PTPRS: variants seen among roughly 807,000 people sequenced by gnomAD.
The protein encoded by PTPRS is receptor-type tyrosine-protein phosphatase S.
In PTPRS, 63 loss-of-function variants were observed where a neutral mutation model predicts 215.3. The ratio of observed to expected loss-of-function variants is 0.29; its 90% CI spans 0.24 to 0.36. The LOEUF is 0.36. Ranked by LOEUF, PTPRS falls within the 10% of genes least tolerant of loss-of-function variation. PTPRS has a pLI of 1.00. For missense variants in PTPRS, 2,258 were observed against 2,825.8 expected (o/e 0.80, Z 4.56); for synonymous variants, 1,404 against 1,191.4 (o/e 1.18, Z -3.68).
At chr19:5,318,060 A>G (rs2147197304) in intron 1 of PTPRS, among the ~76,000 whole-genome samples, 1 of 152,120 alleles carries the variant, frequency 6.6e-6, no homozygotes, top group Middle Eastern at 3.4e-3. Context: ...AGTCCCAGCT[A>G]CTCAGGAGGC....
At chr19:5,258,271 G>C in intron 7 of PTPRS, 144 bp from the exon 8 acceptor site, 3 of 669,826 alleles carry the variant, frequency 4.5e-6, no homozygotes, top group Non-Finnish European at 5.2e-6. Flanking sequence ...AAACCTGGAA[G>C]CCCTAGCTTG....
chr19:5,335,738 G>C (rs2081694156), intron 1 of PTPRS, among the ~76,000 whole-genome samples: 1 of 152,178 alleles, frequency 6.6e-6, no homozygotes, highest in South Asian at 2.1e-4. Context: ...ATGGGGACCG[G>C]AGGAGGGAGT....
intron 1 of PTPRS, among the ~76,000 whole-genome samples, chr19:5,327,761 C>T (rs894245664): frequency 3.9e-5 from 6 of 152,102 alleles, no homozygotes; most frequent in African/African-American, 9.7e-5. Flanking sequence ...CCACCACACC[C>T]GGCTAATTTT....
intron 7 of PTPRS, among the ~76,000 whole-genome samples, chr19:5,259,231 A>G (rs2045802027): frequency 6.6e-6 from 1 of 152,218 alleles, no homozygotes; most frequent in South Asian, 2.1e-4. Flanking sequence ...GGTGCTCATG[A>G]GTAGATGAAA....
chr19:5,335,795 A>C lies in PTPRS; in HGVS notation c.-95+4869T>G, dbSNP rs796362892. On this transcript the variant is annotated intron_variant, in intron 1 of 37. Coordinates refer to ENST00000262963, the MANE Select transcript of PTPRS (RefSeq NM_002850.4). ...GCTCTGAACCCCCAACCAGGGTGGGATCCGCGGGAATCAGAAGGAAACAGG... is the reference window on the plus strand; with the variant it reads ...GCTCTGAACCCCCAACCAGGGTGGGCTCCGCGGGAATCAGAAGGAAACAGG... Among the ~76,000 whole-genome samples, 5 of 152,240 alleles carry C rather than the reference A, an allele frequency of 3.3e-5. 1 individual carries two copies. The highest frequency in any genetic ancestry group is 1.2e-4 in the African/African-American group (5 of 41,546).
rs116751783 is a variant in PTPRS, at chr19:5,219,299, A to T, written c.3923+11T>A. On this transcript the variant is annotated intron_variant, in intron 23 of 37. Transcript: ENST00000262963. ...GCTGTCAAGTCAAGTCGGGGAGGACATGGGGCTTACTTCTTGTAGAGCAGG... is the reference window on the plus strand; with the variant it reads ...GCTGTCAAGTCAAGTCGGGGAGGACTTGGGGCTTACTTCTTGTAGAGCAGG... 158 of 1,613,950 alleles carry T rather than the reference A, an allele frequency of 9.8e-5. 2 individuals carry two copies. In the South Asian group the frequency reaches 1.6e-3, roughly 16 times the overall value.
chr19:5,228,213 C>T (rs2042674145), intron 16 of PTPRS, among the ~76,000 whole-genome samples: 1 of 151,820 alleles, frequency 6.6e-6, no homozygotes, highest in African/African-American at 2.4e-5. Flanking sequence ...GGACCAGTGG[C>T]TCATGCCTGT....
At chr19:5,236,670 A>G (rs1037147978) in intron 13 of PTPRS, among the ~76,000 whole-genome samples, 8 of 152,130 alleles carry the variant, frequency 5.3e-5, no homozygotes, top group South Asian at 4.1e-4. Flanking sequence ...GCTACCAGAG[A>G]CTGCAGAGGC....
intron 1 of PTPRS, 196 bp from the exon 2 acceptor site, chr19:5,286,430 C>T (rs1472195652): frequency 2.3e-6 from 1 of 431,368 alleles, no homozygotes; most frequent in Non-Finnish European, 4.3e-6. Context: ...GTGTCTCCCC[C>T]ACAAAAAATC....
At chr19:5,306,143 G>C (rs2049486447) in intron 1 of PTPRS, among the ~76,000 whole-genome samples, 1 of 135,418 alleles carries the variant, frequency 7.4e-6, no homozygotes, top group African/African-American at 2.7e-5. Flanking sequence ...CTAGAATACA[G>C]GGTGATTTTT....
At chr19:5,289,884 CT>C (rs1268860223) in intron 1 of PTPRS, among the ~76,000 whole-genome samples, 2 of 152,206 alleles carry the variant, frequency 1.3e-5, no homozygotes, top group African/African-American at 2.4e-5. Context: ...CTACGTGGCC[CT>C]GGGCAGGGAG....
intron 1 of PTPRS, among the ~76,000 whole-genome samples, chr19:5,335,058 C>A (rs1246544042): frequency 6.6e-6 from 1 of 152,162 alleles, no homozygotes; most frequent in African/African-American, 2.4e-5. Flanking sequence ...TTCCCCAGAA[C>A]CCCTGAATTT....
In PTPRS at chr19:5,221,236, G is replaced by C. The variant is rs761494808; in HGVS notation, c.3219C>G (p.Leu1073=). ...TGGTACGGCCATCCACATCCAGTGTGAGCCCATTGTACTGGATCTGCGGAC... is the reference window on the plus strand; with the variant it reads ...TGGTACGGCCATCCACATCCAGTGTCAGCCCATTGTACTGGATCTGCGGAC... ...PTPYKIQYNG[L]TLDVDGRTTK... Residue 1073 remains leucine (L), a synonymous_variant, in exon 20 of 38, where the codon CTC becomes CTG. Transcript: ENST00000262963. The C allele has an allele frequency of 2.0e-5, 33 of 1,613,380 alleles. No homozygotes were observed. The highest frequency in any genetic ancestry group is 2.2e-5 in the Non-Finnish European group (26 of 1,179,678).
intron 28 of PTPRS, 95 bp from the exon 29 acceptor site, chr19:5,214,831 C>T (rs2041268880): frequency 1.6e-6 from 2 of 1,282,774 alleles, no homozygotes; most frequent in South Asian, 1.5e-5. Flanking sequence ...ACTCTGACCG[C>T]TCCCAGATTG....
At position 5,278,206 on chromosome 19, in the gene PTPRS, G is replaced by T. The variant is rs556209994; in HGVS notation, c.92-3862C>A. ...GCCAAAAAAAAAAAAAAAAGGGAGTGGGGGGTGGGGGAAAGGATGCTTTTT... is the reference window on the plus strand; with the variant it reads ...GCCAAAAAAAAAAAAAAAAGGGAGTTGGGGGTGGGGGAAAGGATGCTTTTT... On this transcript the variant is annotated intron_variant, in intron 2 of 37. Transcript: ENST00000262963. 6 of 373,434 alleles carry T rather than the reference G, an allele frequency of 1.6e-5. No individual in the cohort carries two copies. In the East Asian group the frequency reaches 3.2e-4, roughly 20 times the overall value. The allele number at this position is 373,434 out of a possible 1,614,324, so 23.1% of individuals were successfully genotyped here.
chr19:5,332,787 T>C (rs1450253213), intron 1 of PTPRS, among the ~76,000 whole-genome samples: 1 of 152,228 alleles, frequency 6.6e-6, no homozygotes. Flanking sequence ...ACATTCCAGG[T>C]TTTCTGTTGA....
chr19:5,262,658 G>A (rs1159470530), intron 6 of PTPRS, among the ~76,000 whole-genome samples: 4 of 152,232 alleles, frequency 2.6e-5, no homozygotes, highest in African/African-American at 7.2e-5. Context: ...GGATGCCTCT[G>A]AACCCCCCTC....
rs372506721 is a variant in PTPRS at position 5,221,096 on chromosome 19, T to C, written c.3359A>G (p.Asn1120Ser). ...GACGCTGGGCTTGCCGTTGAGCAGG[T>C]TGAAGGCAGTCCAGGCGGTGACCGT... ...QQTVTAWTAFNLLNGKPSVAP... is the reference protein window; with the variant it reads ...QQTVTAWTAFSLLNGKPSVAP... Residue 1120 changes from asparagine (N) to serine (S), a missense_variant, in exon 20 of 38, where the codon AAC becomes AGC. Coordinates refer to ENST00000262963, the MANE Select transcript of PTPRS (RefSeq NM_002850.4). 25 of 1,613,828 alleles carry C rather than the reference T, an allele frequency of 1.5e-5. No homozygotes were observed. The highest frequency in any genetic ancestry group is 8.0e-5 in the African/African-American group (6 of 74,878).
At chr19:5,207,444 C>T (rs938079863) in intron 37 of PTPRS, among the ~76,000 whole-genome samples, 4 of 152,288 alleles carry the variant, frequency 2.6e-5, no homozygotes, top group Admixed American at 1.3e-4. Context: ...TGGGCTCAAG[C>T]GATCCTCCCA....
Sources: gnomAD v4.1 joint callset for allele counts (sites outside exome capture counted in the v4.1 genomes callset) on GRCh38, gnomAD v4.1.1 for gene constraint, MANE v1.5 for transcripts, NCBI Gene and HGNC (gene_info 2026-07-23, HGNC 2026-07-21) for gene names.